Variants in SORCS2 observed in about 807,000 individuals in gnomAD.
The protein encoded by SORCS2 is sortilin related VPS10 domain containing receptor 2, also known as VPS10 domain-containing receptor SorCS2.
In SORCS2, 100 loss-of-function variants were observed where a neutral mutation model predicts 141.6. The ratio of observed to expected loss-of-function variants is 0.71; its 90% CI spans 0.60 to 0.83. The LOEUF is 0.83. Among genes scored for constraint, SORCS2 ranks in the 40% least tolerant of loss-of-function variants. The pLI is 0.00. For missense variants in SORCS2, 1,646 were observed against 1,560.2 expected (o/e 1.05, Z -0.93); for synonymous variants, 789 against 676.9 (o/e 1.17, Z -2.57).
chr4:7,215,304 C>G (rs1193636544), intron 1 of SORCS2, among the ~76,000 whole-genome samples: 11 of 152,172 alleles, frequency 7.2e-5, no homozygotes, highest in Non-Finnish European at 1.5e-4. Context: ...ACTGGGTCCC[C>G]CAGCAGTGCC....
intron 3 of SORCS2, among the ~76,000 whole-genome samples, chr4:7,546,380 C>T (rs1455742207): frequency 6.6e-6 from 1 of 152,186 alleles, no homozygotes; most frequent in Non-Finnish European, 1.5e-5. Context: ...AGAGGGAGGC[C>T]TGCTGTGGGA....
chr4:7,208,799 G>A (rs771314517), intron 1 of SORCS2, among the ~76,000 whole-genome samples: 5 of 152,224 alleles, frequency 3.3e-5, no homozygotes, highest in Admixed American at 6.5e-5. Flanking sequence ...CCTCTGCCCC[G>A]GGCCCTGGTC....
Position 7,620,810 on chromosome 4 carries a change from C to T in SORCS2, c.649-17518C>T, listed in dbSNP as rs761645034. 9.2e-5 allele frequency among the ~76,000 whole-genome samples: 14 copies of T among 152,184 alleles called. No individual in the cohort carries two copies. In the East Asian group the frequency reaches 9.6e-4, roughly 10 times the overall value. ...AGTGGTGAAGGCGCTGAGGGTCTCA[C>T]GGTGGGGGGTCTCCCCTGCACTCAG... On this transcript the variant is annotated intron_variant, in intron 3 of 26. Transcript: ENST00000507866.
At chr4:7,524,314 C>T (rs1733525078) in intron 2 of SORCS2, among the ~76,000 whole-genome samples, 1 of 152,242 alleles carries the variant, frequency 6.6e-6, no homozygotes, top group Non-Finnish European at 1.5e-5. Context: ...CTGGAAGAGG[C>T]AGGAGGATCC....
chr4:7,515,494 C>G (rs1245721538), intron 2 of SORCS2, among the ~76,000 whole-genome samples: 1 of 152,130 alleles, frequency 6.6e-6, no homozygotes, highest in East Asian at 1.9e-4. Context: ...CCTCCCAGCG[C>G]CTGGCACGAG....
At chr4:7,375,206 G>A (rs888852110) in intron 1 of SORCS2, among the ~76,000 whole-genome samples, 18 of 152,326 alleles carry the variant, frequency 1.2e-4, no homozygotes, top group African/African-American at 2.6e-4. Flanking sequence ...GGGAAAGTCC[G>A]CCTCTGACAG....
rs1049679057 is a variant in SORCS2, at chr4:7,639,138, C to T, written c.813+646C>T. 2.0e-5 allele frequency among the ~76,000 whole-genome samples: 3 copies of T among 152,318 alleles called. No individual in the cohort carries two copies. The South Asian group carries it at 6.2e-4, about 32-fold the overall frequency. On this transcript the variant is annotated intron_variant, in intron 4 of 26. Transcript: ENST00000507866. Reference sequence around the variant, plus strand: ...CTGGGGAGGGCCCAGTAGGAAAGGACTTTGTTCCTTTTCTGCAGCCGTGGG... The same window carrying T: ...CTGGGGAGGGCCCAGTAGGAAAGGATTTTGTTCCTTTTCTGCAGCCGTGGG...
chr4:7,374,183 CTTTCTTTCTT>C (rs1722479109), intron 1 of SORCS2, among the ~76,000 whole-genome samples: 1 of 124,878 alleles, frequency 8.0e-6, no homozygotes, highest in African/African-American at 3.1e-5. Flanking sequence ...TTCTTTCTTT[CTTTCTTTCTT>C]TCTTTTTTGC....
chr4:7,435,195 C>T (rs1330918345), intron 2 of SORCS2, among the ~76,000 whole-genome samples: 1 of 152,166 alleles, frequency 6.6e-6, no homozygotes, highest in Non-Finnish European at 1.5e-5. Flanking sequence ...CCCCACCCTC[C>T]CCCTGCTGCA....
At chr4:7,446,666 T>C (rs56173110) in intron 2 of SORCS2, among the ~76,000 whole-genome samples, 47,363 of 151,900 alleles carry the variant, frequency 0.31, 7,503 homozygotes, top group South Asian at 0.4. Context: ...GGGGCTTGAG[T>C]GCAGGGGCCA....
chr4:7,617,690 G>A (rs912572569), intron 3 of SORCS2, among the ~76,000 whole-genome samples: 1 of 152,324 alleles, frequency 6.6e-6, no homozygotes. Flanking sequence ...CCATGTGGAA[G>A]AAGGGTCAGA....
rs541096321 is a variant in SORCS2 at position 7,622,770 on chromosome 4, A to G, written c.649-15558A>G. Among the ~76,000 whole-genome samples, 7 of 152,312 alleles carry G rather than the reference A, an allele frequency of 4.6e-5. No individual in the cohort carries two copies. The East Asian group carries it at 1.4e-3, about 29-fold the overall frequency. ...GTCACAGTGGCCTCCACGAGATTGT[A>G]GAGAACCCCTGGGAAATCTCCCACT... On this transcript the variant is annotated intron_variant, in intron 3 of 26. Coordinates refer to ENST00000507866, the MANE Select transcript of SORCS2 (RefSeq NM_020777.3).
At chr4:7,734,047 G>A (rs938084761) in intron 24 of SORCS2, among the ~76,000 whole-genome samples, 1 of 151,700 alleles carries the variant, frequency 6.6e-6, no homozygotes, top group Non-Finnish European at 1.5e-5. Flanking sequence ...AGGAACAGGT[G>A]GGGGACAGGA....
chr4:7,302,225 C>T (rs1253258725), intron 1 of SORCS2, among the ~76,000 whole-genome samples: 2 of 152,238 alleles, frequency 1.3e-5, no homozygotes, highest in East Asian at 1.9e-4. Context: ...GTGTGGTGGG[C>T]GTTTGCAGGG....
At chr4:7,540,637 G>A (rs1220710419) in intron 3 of SORCS2, among the ~76,000 whole-genome samples, 1 of 152,206 alleles carries the variant, frequency 6.6e-6, no homozygotes, top group Non-Finnish European at 1.5e-5. Context: ...TTCCTCCCGA[G>A]GGTCTGGCCA....
rs116101537 is a variant in SORCS2, at chr4:7,645,665, A to G, written c.813+7173A>G. Among the ~76,000 whole-genome samples the G allele has an allele frequency of 6.5e-3, 988 of 152,330 alleles. 5 individuals are homozygous for G. Among genetic ancestry groups the G allele is most frequent in the Non-Finnish European group, 0.012 (803 of 68,024 alleles). ...AGCTGCAGGTATTTGTTGAACACAT[A>G]CTGCATGCCAGGCACTGCTCCACAA... On this transcript the variant is annotated intron_variant, in intron 4 of 26. Transcript: ENST00000507866.
chr4:7,302,035 AG>A (rs1411398609), intron 1 of SORCS2, among the ~76,000 whole-genome samples: 2 of 152,210 alleles, frequency 1.3e-5, no homozygotes, highest in Non-Finnish European at 2.9e-5. Context: ...CTGGTTGGGC[AG>A]TGGGTGGGTA....
chr4:7,393,421 T>TA (rs947026757), intron 1 of SORCS2, among the ~76,000 whole-genome samples: 3 of 152,342 alleles, frequency 2.0e-5, no homozygotes, highest in African/African-American at 7.2e-5. Flanking sequence ...GGGCATGTCG[T>TA]AAGTGTTGGT....
chr4:7,676,292 C>G, intron 9 of SORCS2, 63 bp downstream of exon 9: 1 of 1,493,120 alleles, frequency 6.7e-7, no homozygotes, highest in Non-Finnish European at 9.0e-7. Flanking sequence ...CCCTCTCACC[C>G]CACCTCTTCC....
Sources: gnomAD v4.1 joint callset for allele counts (sites outside exome capture counted in the v4.1 genomes callset) on GRCh38, gnomAD v4.1.1 for gene constraint, MANE v1.5 for transcripts, NCBI Gene and HGNC (gene_info 2026-07-23, HGNC 2026-07-21) for gene names.